The following DDX46 variants were observed in gnomAD, a reference collection of about 807,000 sequenced individuals.
The protein encoded by DDX46 is DEAD-box helicase 46.
In DDX46, 30 loss-of-function variants were observed where a neutral mutation model predicts 134.9. That is an observed-to-expected ratio of 0.22 (90% CI 0.17 to 0.30). The LOEUF (loss-of-function observed/expected upper bound fraction) is 0.30. Ranked by LOEUF, DDX46 falls within the 10% of genes least tolerant of loss-of-function variation. The pLI is 1.00. For synonymous variants in DDX46, 415 were observed against 404.1 expected (o/e 1.03, Z -0.32); for missense variants, 622 against 1,248.7 (o/e 0.50, Z 7.56).
intron 1 of DDX46, among the ~76,000 whole-genome samples, chr5:134,761,259 A>G (rs1753375748): frequency 6.6e-6 from 1 of 152,196 alleles, no homozygotes; most frequent in African/African-American, 2.4e-5. Context: ...TCCTGAGGTC[A>G]AGCTCTCTGC....
intron 21 of DDX46, among the ~76,000 whole-genome samples, chr5:134,819,511 A>G (rs1580819724): frequency 6.6e-6 from 1 of 152,318 alleles, no homozygotes; most frequent in East Asian, 1.9e-4. Context: ...ACATTCATGA[A>G]TGAATTCATT....
At chr5:134,808,717 C>A (rs1021555025) in intron 16 of DDX46, among the ~76,000 whole-genome samples, 1 of 152,104 alleles carries the variant, frequency 6.6e-6, no homozygotes, top group East Asian at 1.9e-4. Flanking sequence ...GCTTTTTTGA[C>A]TCACCTGTAT....
intron 12 of DDX46, chr5:134,790,209 C>T: frequency 1.7e-6 from 1 of 576,302 alleles, no homozygotes; most frequent in South Asian, 1.5e-5. Context: ...ACAGGTTCTT[C>T]AGGCCCTATG....
At chr5:134,815,356 A>G (rs187214057) in intron 18 of DDX46, among the ~76,000 whole-genome samples, 14 of 152,210 alleles carry the variant, frequency 9.2e-5, no homozygotes, top group African/African-American at 2.9e-4. Flanking sequence ...GGGGGCTTGT[A>G]TTTCTGTAAT....
Position 134,828,815 on chromosome 5 carries a change from T to G in DDX46, c.*109T>G. The G allele has an allele frequency of 1.2e-6, 1 of 810,278 alleles. No homozygotes were observed. The highest frequency in any genetic ancestry group is 1.7e-6 in the Non-Finnish European group (1 of 579,464). The allele number at this position is 810,278 out of a possible 1,614,324, so 50.2% of individuals were successfully genotyped here. A position where few individuals can be genotyped will look rare whatever the true frequency, so the allele number is the denominator to read the frequency against. On this transcript the variant is annotated 3_prime_UTR_variant, in exon 23 of 23. Transcript: ENST00000452510. ...GAAGATTTTTTAAATTCTATCTTGC[T>G]GATTTTTTTTAAATATAAGAAACTG...
intron 13 of DDX46, among the ~76,000 whole-genome samples, chr5:134,794,054 C>T (rs533195479): frequency 1.3e-5 from 2 of 152,196 alleles, no homozygotes; most frequent in South Asian, 4.2e-4. Context: ...TTGAGAGGTC[C>T]GGGCTTGTAG....
chr5:134,767,619 G>A (rs1036169875), intron 3 of DDX46, among the ~76,000 whole-genome samples: 9 of 151,758 alleles, frequency 5.9e-5, no homozygotes, highest in Admixed American at 4.6e-4. Flanking sequence ...GGGATTACAG[G>A]CCTGAGCCAC....
At chr5:134,762,579 C>T (rs994268380) in intron 1 of DDX46, among the ~76,000 whole-genome samples, 2 of 150,004 alleles carry the variant, frequency 1.3e-5, no homozygotes, top group African/African-American at 2.5e-5. Context: ...ACTAAAGATA[C>T]GAAACTGGCT....
rs140658575 is a variant in DDX46 at position 134,810,361 on chromosome 5, G to A, written c.2149-860G>A. On this transcript the variant is annotated intron_variant, in intron 16 of 22. Transcript: ENST00000452510. ...TATGTTTCTTTTTTTTTTTTGAGAC[G>A]GAGTTTCACTCTTGTCACCCAGACT... Among the ~76,000 whole-genome samples, 1,125 of 149,192 alleles carry A rather than the reference G, an allele frequency of 7.5e-3. 17 individuals are homozygous for A. Among genetic ancestry groups the A allele is most frequent in the African/African-American group, 0.026 (1,057 of 40,656 alleles).
intron 15 of DDX46, chr5:134,797,175 A>AAAAAAAAAAAAG (rs1754683206): frequency 3.6e-6 from 1 of 276,560 alleles, no homozygotes; most frequent in Non-Finnish European, 6.8e-6. Context: ...CTCAAAAAAA[A>AAAAAAAAAAAAG]AAAAAAAAAA....
intron 21 of DDX46, among the ~76,000 whole-genome samples, chr5:134,822,799 A>G (rs953208532): frequency 1.3e-5 from 2 of 150,724 alleles, no homozygotes; most frequent in Non-Finnish European, 3.0e-5. Flanking sequence ...CTGTTCTTGA[A>G]CTCCTGGGCT....
chr5:134,790,641 TCACA>T (rs58808472), intron 13 of DDX46, 89 bp downstream of exon 13: 2 of 1,103,826 alleles, frequency 1.8e-6, no homozygotes, highest in Admixed American at 2.0e-5. Context: ...TTTCTGAAAT[TCACA>T]CACACACTTT....
intron 18 of DDX46, among the ~76,000 whole-genome samples, chr5:134,812,396 T>G (rs996943816): frequency 3.3e-5 from 5 of 152,130 alleles, no homozygotes; most frequent in African/African-American, 1.2e-4. Flanking sequence ...CGAATCTTGT[T>G]TAACTTCATT....
intron 1 of DDX46, among the ~76,000 whole-genome samples, chr5:134,759,303 A>C (rs1753303470): frequency 6.6e-6 from 1 of 152,184 alleles, no homozygotes; most frequent in Admixed American, 6.5e-5. Context: ...TCGCGTTTCC[A>C]ACATTTCCTC....
chr5:134,809,741 G>A (rs2150155778), intron 16 of DDX46, among the ~76,000 whole-genome samples: 1 of 149,716 alleles, frequency 6.7e-6, no homozygotes, highest in East Asian at 2.1e-4. Context: ...GGGCGCGGTG[G>A]CTCACGCCTG....
rs190332729 is a variant in DDX46, at chr5:134,803,684, T to G, written c.1955-4064T>G. The stretch of plus-strand genomic sequence containing the variant: ...GCTGTTAGTCGCTCTCTGGTGTCTT[T>G]ACGTAGTTGCTCTTTATTTTGCCCA... On this transcript the variant is annotated intron_variant, in intron 15 of 22. Coordinates refer to ENST00000452510, the MANE Select transcript of DDX46 (RefSeq NM_001300860.2). 3.3e-3 allele frequency among the ~76,000 whole-genome samples: 508 copies of G among 152,330 alleles called. 4 individuals are homozygous for G. Among genetic ancestry groups the G allele is most frequent in the Middle Eastern group, 0.027 (8 of 294 alleles).
At chr5:134,786,844 TG>T (rs1219070084) in intron 11 of DDX46, among the ~76,000 whole-genome samples, 1 of 151,936 alleles carries the variant, frequency 6.6e-6, no homozygotes, top group African/African-American at 2.4e-5. Flanking sequence ...GACTCCATCT[TG>T]GGGGGTGGCG....
chr5:134,788,640 T>C (rs747041850), intron 12 of DDX46, 49 bp downstream of exon 12: 18 of 1,461,274 alleles, frequency 1.2e-5, no homozygotes, highest in Non-Finnish European at 1.7e-5. Flanking sequence ...AATTCTTTAC[T>C]TTTTTTTGTT....
intron 9 of DDX46, among the ~76,000 whole-genome samples, chr5:134,783,705 A>C (rs946321877): frequency 2.0e-5 from 3 of 150,064 alleles, no homozygotes; most frequent in Non-Finnish European, 4.4e-5. Context: ...ATGTGCCACC[A>C]TGCCTGGCTA....
Sources: allele counts gnomAD v4.1 joint callset (sites outside exome capture counted in the v4.1 genomes callset), GRCh38; gene constraint gnomAD v4.1.1; transcripts MANE v1.5; gene names NCBI Gene and HGNC (gene_info 2026-07-23, HGNC 2026-07-21).